Variants in MBD5 observed in about 807,000 individuals in gnomAD.
MBD5 encodes methyl-CpG-binding domain protein 5.
In MBD5, 13 loss-of-function variants were observed where a neutral mutation model predicts 117.3. The ratio of observed to expected loss-of-function variants is 0.11; its 90% CI spans 0.07 to 0.18. MBD5 has a LOEUF of 0.18. MBD5 is among the 10% of genes least tolerant of loss of function. The pLI is 1.00. For synonymous variants in MBD5, 727 were observed against 766.4 expected (o/e 0.95, Z 0.85); for missense variants, 1,879 against 2,093.8 (o/e 0.90, Z 2.00).
chr2:148,302,972 AT>A (rs1203369216), intron 3 of MBD5, among the ~76,000 whole-genome samples: 2 of 148,910 alleles, frequency 1.3e-5, no homozygotes, highest in South Asian at 2.1e-4. Context: ...TATGTTATAC[AT>A]TATTATATAT....
At chr2:148,350,411 C>A (rs1703222957) in intron 4 of MBD5, among the ~76,000 whole-genome samples, 1 of 151,942 alleles carries the variant, frequency 6.6e-6, no homozygotes, top group Middle Eastern at 3.4e-3. Context: ...ATTCTGATAA[C>A]AAAAATGCCT....
chr2:148,096,234 G>C (rs1349983394), intron 1 of MBD5, among the ~76,000 whole-genome samples: 1 of 152,144 alleles, frequency 6.6e-6, no homozygotes, highest in Non-Finnish European at 1.5e-5. Context: ...CAAAGCAGCA[G>C]TTCTCAACTG....
At chr2:148,230,231 A>G (rs1204270911) in intron 2 of MBD5, among the ~76,000 whole-genome samples, 1 of 152,120 alleles carries the variant, frequency 6.6e-6, no homozygotes, top group African/African-American at 2.4e-5. Flanking sequence ...CTGGTGTTCT[A>G]TTGTACTGTG....
At chr2:148,246,499 G>A (rs1365034782) in intron 3 of MBD5, among the ~76,000 whole-genome samples, 2 of 152,046 alleles carry the variant, frequency 1.3e-5, no homozygotes, top group South Asian at 2.1e-4. Flanking sequence ...AGCTGGGCAC[G>A]GTGGCTCATG....
intron 1 of MBD5, among the ~76,000 whole-genome samples, chr2:148,082,644 C>G (rs1265486860): frequency 6.6e-6 from 1 of 152,218 alleles, no homozygotes; most frequent in Non-Finnish European, 1.5e-5. Flanking sequence ...ACAGAGTTTA[C>G]TGTCCACTTG....
intron 1 of MBD5, among the ~76,000 whole-genome samples, chr2:148,158,491 G>A (rs939371723): frequency 3.9e-5 from 6 of 152,142 alleles, no homozygotes; most frequent in Admixed American, 6.5e-5. Flanking sequence ...TATACCCAGA[G>A]CCTAAACCTT....
At chr2:148,104,034 C>G (rs1330438764) in intron 1 of MBD5, among the ~76,000 whole-genome samples, 1 of 152,082 alleles carries the variant, frequency 6.6e-6, no homozygotes, top group Non-Finnish European at 1.5e-5. Flanking sequence ...TTTCCCCTGA[C>G]TAACTCTAAT....
At position 148,515,569 on chromosome 2, in the gene MBD5, G is replaced by A. The variant is rs1574511480; in HGVS notation, c.*2628G>A. ...CACTCGCACTTCAATTTTGCCCATA[G>A]AGCCATTTCTTTGTCTTTGTATTGA... is the stretch of plus-strand genomic sequence containing the variant. On this transcript the variant is annotated 3_prime_UTR_variant, in exon 14 of 14. Coordinates refer to ENST00000642680, the MANE Select transcript of MBD5 (RefSeq NM_001378120.1). The A allele has an allele frequency of 1.3e-5, 2 of 152,226 alleles. No individual in the cohort carries two copies. The highest frequency in any genetic ancestry group is 3.9e-4 in the East Asian group (2 of 5,188). The allele number at this position is 152,226 out of a possible 1,614,324, so 9.4% of individuals were successfully genotyped here.
chr2:148,062,589 A>T (rs1435996639), intron 1 of MBD5: 1 of 151,910 alleles, frequency 6.6e-6, no homozygotes, highest in Non-Finnish European at 1.5e-5. Context: ...TTTTTTTGGC[A>T]TATGTGTGAT....
chr2:148,222,791 A>C (rs189869419), intron 2 of MBD5, among the ~76,000 whole-genome samples: 309 of 152,178 alleles, frequency 2.0e-3, no homozygotes, highest in African/African-American at 7.1e-3. Context: ...TTTTCTAGCT[A>C]GGACTTCCAG....
At chr2:148,362,616 G>T (rs918532448) in intron 4 of MBD5, among the ~76,000 whole-genome samples, 9 of 152,172 alleles carry the variant, frequency 5.9e-5, no homozygotes. Flanking sequence ...TGCATCTCCC[G>T]GCACAATGCT....
chr2:148,211,778 C>T (rs1699427904), intron 2 of MBD5, among the ~76,000 whole-genome samples: 1 of 152,140 alleles, frequency 6.6e-6, no homozygotes. Flanking sequence ...CAGGATCTCG[C>T]TCTGTCACCC....
rs1031021564 is a variant in MBD5, at chr2:148,200,996, A to G, written c.-831+22203A>G. Among the ~76,000 whole-genome samples, 19 of 152,364 alleles carry G rather than the reference A, an allele frequency of 1.2e-4. No individual in the cohort carries two copies. In the East Asian group the frequency reaches 3.5e-3, roughly 28 times the overall value. On this transcript the variant is annotated intron_variant, in intron 2 of 13. Transcript: ENST00000642680. ...AATAAAGCAAAGTTGTGTACCAACCATCTGCCAGGGATTATTCTAGAGATG... is the reference window on the plus strand; with the variant it reads ...AATAAAGCAAAGTTGTGTACCAACCGTCTGCCAGGGATTATTCTAGAGATG...
chr2:148,235,150 G>C (rs1700065082), intron 3 of MBD5, among the ~76,000 whole-genome samples: 1 of 151,882 alleles, frequency 6.6e-6, no homozygotes, highest in African/African-American at 2.4e-5. Flanking sequence ...CTAAATTCTA[G>C]GTAAATAGCT....
chr2:148,153,343 A>T (rs377161391), intron 1 of MBD5, among the ~76,000 whole-genome samples: 1 of 151,878 alleles, frequency 6.6e-6, no homozygotes, highest in Non-Finnish European at 1.5e-5. Context: ...TTGAGGGAAA[A>T]CTGACCTTTC....
intron 2 of MBD5, among the ~76,000 whole-genome samples, chr2:148,203,154 A>G (rs1273239455): frequency 6.6e-6 from 1 of 152,012 alleles, no homozygotes; most frequent in African/African-American, 2.4e-5. Flanking sequence ...ATTTTTTACC[A>G]TAACAATTTT....
intron 4 of MBD5, among the ~76,000 whole-genome samples, chr2:148,388,426 A>T (rs1316176654): frequency 2.6e-5 from 4 of 152,192 alleles, no homozygotes; most frequent in African/African-American, 4.8e-5. Context: ...TAGGATAATA[A>T]TTACTTCTGA....
chr2:148,312,250 A>G (rs1702050212), intron 3 of MBD5, among the ~76,000 whole-genome samples: 1 of 152,154 alleles, frequency 6.6e-6, no homozygotes, highest in Non-Finnish European at 1.5e-5. Context: ...GTGTTTTCCA[A>G]CTTGGTTGCG....
chr2:148,128,536 G>T (rs1225877660), intron 1 of MBD5, among the ~76,000 whole-genome samples: 1 of 152,050 alleles, frequency 6.6e-6, no homozygotes, highest in South Asian at 2.1e-4. Flanking sequence ...TCTATGTCAT[G>T]GACTGTAAAT....
Sources: allele counts gnomAD v4.1 joint callset (sites outside exome capture counted in the v4.1 genomes callset), GRCh38; gene constraint gnomAD v4.1.1; transcripts MANE v1.5; gene names NCBI Gene and HGNC (gene_info 2026-07-23, HGNC 2026-07-21).